Variants in PDE1A observed in about 807,000 individuals in gnomAD.
The protein encoded by PDE1A is phosphodiesterase 1A, also known as dual specificity calcium/calmodulin-dependent 3',5'-cyclic nucleotide phosphodiesterase 1A.
PDE1A carries 35 observed loss-of-function variants against 61.7 expected under a neutral mutation model. That is an observed-to-expected ratio of 0.57 (90% confidence interval 0.43 to 0.75). The LOEUF is 0.75. Ranked by LOEUF, PDE1A falls within the 30% of genes least tolerant of loss-of-function variation. The pLI is 0.00. For synonymous variants in PDE1A, 232 were observed against 213.2 expected (o/e 1.09, Z -0.77); for missense variants, 597 against 630.6 (o/e 0.95, Z 0.57).
chr2:182,609,086 C>T, the PDE1A span, among the ~76,000 whole-genome samples: 4 of 152,186 alleles, frequency 2.6e-5, no homozygotes, highest in Non-Finnish European at 5.9e-5. Flanking sequence ...CCAATCAGCA[C>T]TCTATCTAGC....
chr2:182,398,155 AG>A (rs1172392516), intron 1 of PDE1A, among the ~76,000 whole-genome samples: 5 of 152,064 alleles, frequency 3.3e-5, no homozygotes. Flanking sequence ...GGGTGAAGTC[AG>A]TGAGGAAATT....
At chr2:182,304,689 C>T (rs530356390) in intron 1 of PDE1A, among the ~76,000 whole-genome samples, 21 of 152,204 alleles carry the variant, frequency 1.4e-4, no homozygotes, top group East Asian at 3.9e-4. Context: ...GAGAAAGACA[C>T]GGGAATGGCT....
At chr2:182,346,607 G>T (rs1315835107) in intron 1 of PDE1A, among the ~76,000 whole-genome samples, 1 of 104,060 alleles carries the variant, frequency 9.6e-6, no homozygotes, top group Non-Finnish European at 2.6e-5. Flanking sequence ...TAAAAAGTAA[G>T]TCTCTCTCCC....
chr2:182,170,962 C>A (rs748813102), intron 13 of PDE1A, among the ~76,000 whole-genome samples: 1 of 151,842 alleles, frequency 6.6e-6, no homozygotes, highest in Non-Finnish European at 1.5e-5. Context: ...CAAATTTGAT[C>A]TTTTAATAAT....
the PDE1A span, among the ~76,000 whole-genome samples, chr2:182,549,160 A>C: frequency 3.6e-4 from 55 of 152,190 alleles, 1 homozygote; most frequent in Admixed American, 5.2e-4. Flanking sequence ...TTTATGGAGA[A>C]AATATTTCAA....
chr2:182,426,468 C>G, intron 1 of PDE1A, 110 bp downstream of exon 1: 1 of 779,370 alleles, frequency 1.3e-6, no homozygotes, highest in Admixed American at 2.1e-5. Flanking sequence ...ACTTTAAGCA[C>G]TCTTGATTGC....
At chr2:182,516,827 AAGGAAGGG>A (rs1396247556) in intron 2 of PDE1A, among the ~76,000 whole-genome samples, 3 of 60,002 alleles carry the variant, frequency 5.0e-5, no homozygotes, top group African/African-American at 2.4e-4. Context: ...GAAGGGAAGG[AAGGAAGGG>A]AGGGAGGGAG....
chr2:182,192,605 T>C (rs1235844798), intron 10 of PDE1A, among the ~76,000 whole-genome samples: 1 of 152,136 alleles, frequency 6.6e-6, no homozygotes, highest in Non-Finnish European at 1.5e-5. Flanking sequence ...ATAAGCATTG[T>C]GAAAGAAGAA....
intron 1 of PDE1A, among the ~76,000 whole-genome samples, chr2:182,295,615 A>T (rs1457161759): frequency 6.6e-6 from 1 of 152,224 alleles, no homozygotes; most frequent in Non-Finnish European, 1.5e-5. Flanking sequence ...GCTTAATTTC[A>T]GAATTTTAAA....
chr2:182,328,059 C>T (rs931090060), intron 1 of PDE1A, among the ~76,000 whole-genome samples: 19 of 152,076 alleles, frequency 1.2e-4, no homozygotes, highest in African/African-American at 3.9e-4. Flanking sequence ...GGTAGATGTG[C>T]GGGAAATGTC....
At chr2:182,286,196 G>C (rs1452504250) in intron 1 of PDE1A, among the ~76,000 whole-genome samples, 1 of 152,018 alleles carries the variant, frequency 6.6e-6, no homozygotes, top group Non-Finnish European at 1.5e-5. Flanking sequence ...AAAATCAACA[G>C]GTGTCATAAT....
intron 1 of PDE1A, among the ~76,000 whole-genome samples, chr2:182,295,231 C>T (rs910365213): frequency 2.0e-5 from 3 of 151,536 alleles, no homozygotes; most frequent in South Asian, 4.2e-4. Flanking sequence ...CCCACCACCG[C>T]GCCCGGCTAA....
At chr2:182,596,639 A>G in the PDE1A span, among the ~76,000 whole-genome samples, 1 of 152,120 alleles carries the variant, frequency 6.6e-6, no homozygotes. Flanking sequence ...AGTAACTATG[A>G]GGCTACTGTA....
chr2:182,390,967 G>A (rs991928762), intron 1 of PDE1A, among the ~76,000 whole-genome samples: 2 of 152,158 alleles, frequency 1.3e-5, no homozygotes, highest in Non-Finnish European at 2.9e-5. Context: ...CACCACAACA[G>A]CCCTGTTTGC....
At chr2:182,651,283 A>C in the PDE1A span, among the ~76,000 whole-genome samples, 1 of 152,224 alleles carries the variant, frequency 6.6e-6, no homozygotes, top group Admixed American at 6.5e-5. Context: ...CTAGGATTAC[A>C]GGTATGAGCC....
At chr2:182,487,991 T>A (rs1688124972) in intron 2 of PDE1A, among the ~76,000 whole-genome samples, 1 of 152,226 alleles carries the variant, frequency 6.6e-6, no homozygotes, top group South Asian at 2.1e-4. Context: ...AATATACCAC[T>A]GTTTATAGTT....
chr2:182,601,532 TTGGTG>T, the PDE1A span, among the ~76,000 whole-genome samples: 3 of 152,204 alleles, frequency 2.0e-5, no homozygotes, highest in Non-Finnish European at 4.4e-5. Flanking sequence ...GACTTGCCAT[TTGGTG>T]GGCCCCAAGT....
chr2:182,452,437 T>G (rs891836266), intron 2 of PDE1A, among the ~76,000 whole-genome samples: 1 of 152,182 alleles, frequency 6.6e-6, no homozygotes, highest in Non-Finnish European at 1.5e-5. Context: ...GCTAGAAGTC[T>G]GCTGTCCTAA....
intron 1 of PDE1A, among the ~76,000 whole-genome samples, chr2:182,417,963 A>G (rs188195190): frequency 4.5e-4 from 68 of 152,326 alleles, no homozygotes; most frequent in African/African-American, 1.6e-3. Context: ...TTACAAAAAT[A>G]TTTACCTATT....
Sources: allele counts gnomAD v4.1 joint callset (sites outside exome capture counted in the v4.1 genomes callset), GRCh38; gene constraint gnomAD v4.1.1; transcripts MANE v1.5; gene names NCBI Gene and HGNC (gene_info 2026-07-23, HGNC 2026-07-21).